The following DOCK2 variants were observed in gnomAD, a reference collection of about 807,000 sequenced individuals.
DOCK2 encodes dedicator of cytokinesis protein 2.
DOCK2 carries 87 observed loss-of-function variants against 248.9 expected under a neutral mutation model. That is an observed-to-expected ratio of 0.35 (90% CI 0.29 to 0.42). The LOEUF (loss-of-function observed/expected upper bound fraction) is 0.42, where lower values mean the gene tolerates loss of function less well. Among genes scored for constraint, DOCK2 ranks in the 10% least tolerant of loss-of-function variants. The probability of loss-of-function intolerance (pLI) is 1.00; values close to 1 mark genes in which losing one functional copy is unlikely to be tolerated. For missense variants in DOCK2, 1,747 were observed against 2,300.2 expected (o/e 0.76, Z 4.92); for synonymous variants, 805 against 821.6 (o/e 0.98, Z 0.35).
intron 26 of DOCK2, among the ~76,000 whole-genome samples, chr5:169,807,859 A>AAAAAAAAAAAAAAAAAAATAAAAAAAAAC (rs1561717077): frequency 6.7e-6 from 1 of 149,204 alleles, no homozygotes; most frequent in Non-Finnish European, 1.5e-5. Context: ...AAAAAAAAAA[A>AAAAAAAAAAAAAAAAAAATAAAAAAAAAC]TCTAGCATCT....
rs1198350450 is a variant in DOCK2, at chr5:169,998,105, C to T, written c.3072+1941C>T. 7 of 454,190 alleles carry T rather than the reference C, an allele frequency of 1.5e-5. No homozygotes were observed. The Admixed American group carries it at 1.6e-4, about 11-fold the overall frequency. 28.1% of individuals were successfully genotyped at this position (454,190 alleles called of 1,614,324 possible). On this transcript the variant is annotated intron_variant, in intron 30 of 51. Transcript: ENST00000520908. ...CTGACTCCTCCCTGAGGATCACCCCCACTCACTCCACAGTCATTATGCAAA... is the reference window on the plus strand; with the variant it reads ...CTGACTCCTCCCTGAGGATCACCCCTACTCACTCCACAGTCATTATGCAAA...
intron 25 of DOCK2, among the ~76,000 whole-genome samples, chr5:169,785,621 A>C (rs566428334): frequency 6.6e-6 from 1 of 152,282 alleles, no homozygotes; most frequent in Non-Finnish European, 1.5e-5. Context: ...TTTAATAGCA[A>C]TTCTTCCAGT....
intron 5 of DOCK2, among the ~76,000 whole-genome samples, chr5:169,672,931 G>C (rs975751397): frequency 2.6e-5 from 4 of 152,212 alleles, no homozygotes; most frequent in Non-Finnish European, 5.9e-5. Flanking sequence ...TAGGCATAGA[G>C]GGGCATAGAG....
chr5:169,644,449 G>C (rs1757336000), intron 1 of DOCK2, among the ~76,000 whole-genome samples: 1 of 152,044 alleles, frequency 6.6e-6, no homozygotes, highest in African/African-American at 2.4e-5. Flanking sequence ...TCTTGGAATG[G>C]ATGTGGGTAT....
chr5:169,823,942 T>C (rs1388256919), intron 26 of DOCK2, among the ~76,000 whole-genome samples: 1 of 152,206 alleles, frequency 6.6e-6, no homozygotes, highest in Non-Finnish European at 1.5e-5. Flanking sequence ...ACAAAATCAA[T>C]GTGCAAAAAT....
intron 1 of DOCK2, among the ~76,000 whole-genome samples, chr5:169,645,452 C>T (rs1223525218): frequency 6.6e-6 from 1 of 152,098 alleles, no homozygotes; most frequent in Non-Finnish European, 1.5e-5. Context: ...TATCCTTTGT[C>T]CACATTTTGA....
intron 25 of DOCK2, among the ~76,000 whole-genome samples, chr5:169,767,405 G>T (rs1013731304): frequency 1.3e-5 from 2 of 152,102 alleles, no homozygotes; most frequent in Admixed American, 6.5e-5. Context: ...GTCAATTTTT[G>T]ATTTTATTCT....
At chr5:169,838,794 G>C (rs1035444875) in intron 26 of DOCK2, among the ~76,000 whole-genome samples, 7 of 152,186 alleles carry the variant, frequency 4.6e-5, no homozygotes, top group African/African-American at 1.7e-4. Context: ...CAGGGCTAGA[G>C]AGTCTGGGAG....
intron 26 of DOCK2, among the ~76,000 whole-genome samples, chr5:169,838,421 C>A (rs1424362943): frequency 6.6e-6 from 1 of 152,206 alleles, no homozygotes; most frequent in Non-Finnish European, 1.5e-5. Flanking sequence ...ATATAAAGTG[C>A]TTAGCAGAGT....
intron 27 of DOCK2, among the ~76,000 whole-genome samples, chr5:169,979,081 G>A (rs6876063): frequency 0.014 from 2,194 of 152,168 alleles, 54 homozygotes; most frequent in African/African-American, 0.049. Flanking sequence ...TAAATATGTC[G>A]ATTACAGAAT....
chr5:169,870,310 A>G (rs1172014143), intron 27 of DOCK2, among the ~76,000 whole-genome samples: 1 of 152,178 alleles, frequency 6.6e-6, no homozygotes, highest in Non-Finnish European at 1.5e-5. Flanking sequence ...AAGCAGAAAG[A>G]TGTTTTTCTA....
chr5:169,930,633 G>A (rs907345479), intron 27 of DOCK2, among the ~76,000 whole-genome samples: 33 of 152,218 alleles, frequency 2.2e-4, no homozygotes, highest in African/African-American at 7.7e-4. Context: ...CGGTAGACAA[G>A]GATGAGCTGC....
At chr5:169,678,601 C>G (rs1759475178) in intron 6 of DOCK2, among the ~76,000 whole-genome samples, 1 of 152,114 alleles carries the variant, frequency 6.6e-6, no homozygotes, top group African/African-American at 2.4e-5. Context: ...AGCTGAGATC[C>G]TCGGTTACAC....
intron 27 of DOCK2, among the ~76,000 whole-genome samples, chr5:169,922,717 C>A (rs1309318359): frequency 1.3e-5 from 2 of 152,190 alleles, no homozygotes; most frequent in Non-Finnish European, 2.9e-5. Flanking sequence ...GGAGCCAGAT[C>A]CTAACCCCTT....
At chr5:170,060,313 T>G (rs1757285367) in intron 44 of DOCK2, among the ~76,000 whole-genome samples, 1 of 152,194 alleles carries the variant, frequency 6.6e-6, no homozygotes, top group South Asian at 2.1e-4. Flanking sequence ...AAATAGGAAT[T>G]GCAAAATGAT....
In DOCK2 at chr5:170,080,261, C is replaced by T; in HGVS notation, c.5265C>T (p.Ser1755=). Residue 1755 remains serine (S), a synonymous_variant, in exon 50 of 52, where the codon AGC becomes AGT. Transcript: ENST00000520908. ...ASVLSQMSFA[S]QSMPTIPALA... is the part of the protein sequence containing the mutation. ...TCCTCTCTCAAATGAGCTTTGCCAG[C>T]CAGTCCATGCCTACCATCCCAGGTA... 1 of 1,614,140 alleles carries T rather than the reference C, an allele frequency of 6.2e-7. No homozygotes were observed. The highest frequency in any genetic ancestry group is 8.5e-7 in the Non-Finnish European group (1 of 1,180,008).
chr5:169,691,526 A>G (rs1760302100), intron 9 of DOCK2, among the ~76,000 whole-genome samples: 3 of 152,244 alleles, frequency 2.0e-5, no homozygotes, highest in Non-Finnish European at 4.4e-5. Flanking sequence ...AATAAAATGC[A>G]TGCACAAATA....
intron 25 of DOCK2, among the ~76,000 whole-genome samples, chr5:169,777,469 G>T (rs938239805): frequency 1.3e-5 from 2 of 152,190 alleles, no homozygotes; most frequent in East Asian, 3.8e-4. Flanking sequence ...GGAACCAGAC[G>T]CCACAGTGGA....
At position 169,639,349 on chromosome 5, in the gene DOCK2, A is replaced by G. The variant is rs543747962; in HGVS notation, c.43+1980A>G. Among the ~76,000 whole-genome samples, 4 of 152,362 alleles carry G rather than the reference A, an allele frequency of 2.6e-5. No individual in the cohort carries two copies. In the East Asian group the frequency reaches 5.8e-4, roughly 22 times the overall value. On this transcript the variant is annotated intron_variant, in intron 1 of 51. Coordinates refer to ENST00000520908, the MANE Select transcript of DOCK2 (RefSeq NM_004946.3). ...CCTTGCAGGAGAGAGGAAAGGGCAG[A>G]AAAGAAGGAGGTAGAAAGAGAAACT...
Sources: gnomAD v4.1 joint callset for allele counts (sites outside exome capture counted in the v4.1 genomes callset) on GRCh38, gnomAD v4.1.1 for gene constraint, MANE v1.5 for transcripts, NCBI Gene and HGNC (gene_info 2026-07-23, HGNC 2026-07-21) for gene names.